Variants in PAX5 observed in about 807,000 individuals in gnomAD.
PAX5 encodes the protein paired box 5.
PAX5 carries 9 observed loss-of-function variants against 43.7 expected under a neutral mutation model. That is an observed-to-expected ratio of 0.21 (90% CI 0.12 to 0.36). The LOEUF (loss-of-function observed/expected upper bound fraction) is 0.36, where lower values mean the gene tolerates loss of function less well. Ranked by LOEUF, PAX5 falls within the 10% of genes least tolerant of loss-of-function variation. The pLI is 1.00. For missense variants in PAX5, 383 were observed against 532.7 expected (o/e 0.72, Z 2.77); for synonymous variants, 228 against 214.3 (o/e 1.06, Z -0.56).
Position 36,966,656 on chromosome 9 carries a change from G to A in PAX5, c.673C>T (p.Arg225Trp), listed in dbSNP as rs1834464853. 10 of 1,614,176 alleles carry A rather than the reference G, an allele frequency of 6.2e-6. No homozygotes were observed. The highest frequency in any genetic ancestry group is 1.1e-5 in the South Asian group (1 of 91,088). The change falls in exon 6 of 10, where the codon CGG (arginine) becomes TGG (tryptophan). Residue 225 changes from arginine to tryptophan, a missense_variant. This residue lies in a region of PAX5 where 291 missense variants were observed against 342.5 expected (regional missense o/e 0.85). Coordinates refer to ENST00000358127, the MANE Select transcript of PAX5 (RefSeq NM_016734.3). ...PGRDFLRKQM[R>W]GDLFTQQQLE... is the part of the protein sequence containing the mutation. ...TGCTGCTGTGTGAACAAGTCTCCCC[G>A]CATCTGCTTCCGGAGGAAGTCTCTG...
At chr9:36,966,087 C>T (rs1006942596) in intron 6 of PAX5, among the ~76,000 whole-genome samples, 2 of 152,220 alleles carry the variant, frequency 1.3e-5, no homozygotes, top group African/African-American at 2.4e-5. Flanking sequence ...AATGACAAGG[C>T]GACCTGGTGA....
chr9:36,865,539 A>T (rs1824783206), intron 8 of PAX5, among the ~76,000 whole-genome samples: 1 of 152,146 alleles, frequency 6.6e-6, no homozygotes. Context: ...GGAAGAGAGG[A>T]GGGAAGGCAG....
At chr9:36,914,418 C>G (rs191415648) in intron 7 of PAX5, among the ~76,000 whole-genome samples, 3 of 152,296 alleles carry the variant, frequency 2.0e-5, no homozygotes, top group Admixed American at 1.3e-4. Context: ...TAGTCCATAC[C>G]TGTGTGTAAG....
chr9:36,834,783 G>A lies in PAX5; in HGVS notation c.*5777C>T. ...TGCTTTTGGAGAAGATGAGGGACGT[G>A]GCCACAGGCATGGTGATTTTGGGGA... On this transcript the variant is annotated 3_prime_UTR_variant, in exon 10 of 10. Coordinates refer to ENST00000358127, the MANE Select transcript of PAX5 (RefSeq NM_016734.3). 4.3e-6 allele frequency: 1 copy of A among 231,428 alleles called. No homozygotes were observed. Among genetic ancestry groups the A allele is most frequent in the African/African-American group, 2.2e-5 (1 of 45,104 alleles). The allele number at this position is 231,428 out of a possible 1,614,324, so 14.3% of individuals were successfully genotyped here.
chr9:36,902,477 T>A (rs952975452), intron 7 of PAX5, among the ~76,000 whole-genome samples: 2 of 152,184 alleles, frequency 1.3e-5, no homozygotes, highest in Non-Finnish European at 2.9e-5. Context: ...AAGAAGGGAT[T>A]CATCCGGGAG....
chr9:37,033,310 C>T (rs905053431), intron 1 of PAX5, among the ~76,000 whole-genome samples: 4 of 152,176 alleles, frequency 2.6e-5, no homozygotes, highest in African/African-American at 9.7e-5. Context: ...AGGCCCCAGA[C>T]CCACGTCTAG....
At chr9:36,937,609 C>T (rs1366230377) in intron 6 of PAX5, among the ~76,000 whole-genome samples, 1 of 152,190 alleles carries the variant, frequency 6.6e-6, no homozygotes, top group Admixed American at 6.5e-5. Context: ...CTTTAGATAA[C>T]CCACCTGACT....
chr9:36,986,089 G>A (rs553162617), intron 5 of PAX5, among the ~76,000 whole-genome samples: 4 of 152,088 alleles, frequency 2.6e-5, no homozygotes, highest in Non-Finnish European at 5.9e-5. Flanking sequence ...CCCCCGTCCG[G>A]CGCCCTCGCC....
chr9:36,948,809 C>T (rs1832764362), intron 6 of PAX5, among the ~76,000 whole-genome samples: 1 of 151,858 alleles, frequency 6.6e-6, no homozygotes, highest in African/African-American at 2.4e-5. Flanking sequence ...GCGCAAACTC[C>T]CTCCTGCCTC....
chr9:37,028,722 C>G lies in PAX5; in HGVS notation c.46+5264G>C, dbSNP rs138458608. On this transcript the variant is annotated intron_variant, in intron 1 of 9. Transcript: ENST00000358127. ...TCCCTGAAGCGGGCGGGTGGACAGG[C>G]GCATTCTATCTGCAAGGGTCAAGCA... is the stretch of plus-strand genomic sequence containing the variant. 1.7e-3 allele frequency among the ~76,000 whole-genome samples: 261 copies of G among 152,316 alleles called. 1 individual carries two copies. Among genetic ancestry groups the G allele is most frequent in the African/African-American group, 5.8e-3 (242 of 41,576 alleles).
In PAX5 at chr9:36,840,046, G is replaced by A; in HGVS notation, c.*514C>T. On this transcript the variant is annotated 3_prime_UTR_variant, in exon 10 of 10. Coordinates refer to ENST00000358127, the MANE Select transcript of PAX5 (RefSeq NM_016734.3). ...TGAGCGCACCTGCCAGGGTCACCCA[G>A]GGCAGAGAGGATGCTCTGCCATAGG... The A allele has an allele frequency of 3.8e-6, 1 of 264,320 alleles. No individual in the cohort carries two copies. The highest frequency in any genetic ancestry group is 9.8e-5 in the South Asian group (1 of 10,156). 16.4% of individuals were successfully genotyped at this position (264,320 alleles called of 1,614,324 possible). A position where few individuals can be genotyped will look rare whatever the true frequency, so the allele number is the denominator to read the frequency against.
rs12000096 is a variant in PAX5 at position 36,978,744 on chromosome 9, A to G, written c.605-12020T>C. On this transcript the variant is annotated intron_variant, in intron 5 of 9. Coordinates refer to ENST00000358127, the MANE Select transcript of PAX5 (RefSeq NM_016734.3). ...GTCATAGATCAAAGTGAGAGGGAGG[A>G]AAAAAAAGATAAATCATCAGAGATC... Among the ~76,000 whole-genome samples, 155 of 152,142 alleles carry G rather than the reference A, an allele frequency of 1.0e-3. 1 individual carries two copies. Among genetic ancestry groups the G allele is most frequent in the African/African-American group, 3.4e-3 (139 of 41,492 alleles).
At chr9:36,916,360 T>C (rs1438373965) in intron 7 of PAX5, among the ~76,000 whole-genome samples, 1 of 152,226 alleles carries the variant, frequency 6.6e-6, no homozygotes. Flanking sequence ...TTATCAGATA[T>C]TTTAAAATAT....
At chr9:36,994,515 G>A (rs554306149) in intron 5 of PAX5, among the ~76,000 whole-genome samples, 34 of 152,236 alleles carry the variant, frequency 2.2e-4, no homozygotes, top group Admixed American at 1.4e-3. Flanking sequence ...ACGCACACTC[G>A]GCCCCACCGG....
intron 1 of PAX5, chr9:37,026,797 C>T: frequency 1.1e-6 from 1 of 879,494 alleles, no homozygotes; most frequent in Non-Finnish European, 1.4e-6. Flanking sequence ...GGGCTAGGAG[C>T]GGGTGCCCAA....
intron 5 of PAX5, among the ~76,000 whole-genome samples, chr9:36,970,952 C>T (rs1017721870): frequency 1.9e-4 from 29 of 152,200 alleles, no homozygotes; most frequent in Admixed American, 1.9e-3. Context: ...AAGCGAATAT[C>T]TGTGGAATAA....
rs1309638782 is a variant in PAX5 at position 36,840,252 on chromosome 9, C to A, written c.*308G>T. 1.1e-5 allele frequency: 6 copies of A among 523,204 alleles called. No individual in the cohort carries two copies. The Admixed American group carries it at 2.1e-4, about 18-fold the overall frequency. The allele number at this position is 523,204 out of a possible 1,614,324, so 32.4% of individuals were successfully genotyped here. A position where few individuals can be genotyped will look rare whatever the true frequency, so the allele number is the denominator to read the frequency against. On this transcript the variant is annotated 3_prime_UTR_variant, in exon 10 of 10. Transcript: ENST00000358127. ...TTATGATGGATGGATAGTCAGACAG[C>A]TGGAGGACAGGCAGGCTGGGCTGGG...
intron 1 of PAX5, among the ~76,000 whole-genome samples, chr9:37,027,261 C>T (rs1840487233): frequency 6.6e-6 from 1 of 152,226 alleles, no homozygotes; most frequent in Non-Finnish European, 1.5e-5. Flanking sequence ...GCCGCGACTC[C>T]GGAGTCCCCG....
At chr9:36,845,287 C>T (rs952189125) in intron 9 of PAX5, among the ~76,000 whole-genome samples, 3 of 152,228 alleles carry the variant, frequency 2.0e-5, no homozygotes, top group African/African-American at 7.2e-5. Context: ...CAAGACTCAT[C>T]TCCCTACCCC....
Sources: gnomAD v4.1 joint callset for allele counts (sites outside exome capture counted in the v4.1 genomes callset) on GRCh38, gnomAD v4.1.1 for gene constraint, gnomAD v4.1.1 regional missense constraint, MANE v1.5 for transcripts, NCBI Gene and HGNC (gene_info 2026-07-23, HGNC 2026-07-21) for gene names.